The following ORC3 variants were observed in gnomAD, a reference collection of about 807,000 sequenced individuals.
The protein encoded by ORC3 is origin recognition complex subunit 3.
ORC3 carries 78 observed loss-of-function variants against 100.7 expected under a neutral mutation model. That is an observed-to-expected ratio of 0.77 (90% confidence interval 0.65 to 0.94). The LOEUF (loss-of-function observed/expected upper bound fraction) is 0.94, where lower values mean the gene tolerates loss of function less well. ORC3 is among the 40% of genes least tolerant of loss of function. ORC3 has a pLI of 0.00. For missense variants in ORC3, 789 were observed against 823.9 expected (o/e 0.96, Z 0.52); for synonymous variants, 295 against 289.3 (o/e 1.02, Z -0.20).
the ORC3 span, among the ~76,000 whole-genome samples, chr6:87,672,708 A>T: frequency 1.3e-5 from 2 of 152,212 alleles, no homozygotes; most frequent in African/African-American, 4.8e-5. Flanking sequence ...GTCTCTGGGG[A>T]TAGGTAGAGC....
intron 7 of ORC3, among the ~76,000 whole-genome samples, chr6:87,610,577 C>T (rs1456440413): frequency 7.5e-6 from 1 of 132,794 alleles, no homozygotes; most frequent in African/African-American, 3.1e-5. Context: ...GACGGAGTCT[C>T]GCTCTGTCGC....
chr6:87,641,108 C>G (rs1407295832), intron 13 of ORC3, among the ~76,000 whole-genome samples: 1 of 127,824 alleles, frequency 7.8e-6, no homozygotes, highest in Non-Finnish European at 1.7e-5. Context: ...GACTCCATCT[C>G]AAAAAAAAAA....
intron 9 of ORC3, among the ~76,000 whole-genome samples, chr6:87,617,205 G>A (rs1010187000): frequency 6.6e-6 from 1 of 152,060 alleles, no homozygotes; most frequent in Admixed American, 6.6e-5. Flanking sequence ...TCTGGACCAT[G>A]CATGTGTGTG....
intron 13 of ORC3, among the ~76,000 whole-genome samples, chr6:87,641,108 C>CAA (rs962295895): frequency 7.8e-6 from 1 of 127,800 alleles, no homozygotes; most frequent in Non-Finnish European, 1.7e-5. Context: ...GACTCCATCT[C>CAA]AAAAAAAAAA....
At chr6:87,591,741 T>A (rs2128241074) in intron 1 of ORC3, among the ~76,000 whole-genome samples, 1 of 152,288 alleles carries the variant, frequency 6.6e-6, no homozygotes, top group Non-Finnish European at 1.5e-5. Context: ...TTTCTTTTCT[T>A]TTTTTTCTTG....
At chr6:87,595,204 A>G (rs1247798033) in intron 2 of ORC3, 4 of 152,226 alleles carry the variant, frequency 2.6e-5, no homozygotes, top group Admixed American at 2.6e-4. Flanking sequence ...AAGTTATGGA[A>G]TCACCTGGAC....
intron 14 of ORC3, among the ~76,000 whole-genome samples, chr6:87,655,669 T>A (rs71572772): frequency 0.18 from 26,481 of 150,658 alleles, 2,774 homozygotes; most frequent in African/African-American, 0.31. Flanking sequence ...TATTATTATT[T>A]TTTTTTTTTT....
rs1321223011 is a variant in ORC3 at position 87,616,420 on chromosome 6, G to T, written c.980G>T (p.Gly327Val). ...TTCTCAGTTCAAAACTTTATAAAAG[G>T]ACTTCAGGTAAGAACACAGTAATGG... ...HDFSVQNFIK[G>V]LQLSLLEHFY... Residue 327 changes from glycine (G) to valine (V), a missense_variant, in exon 9 of 20, where the codon GGA becomes GTA. By Grantham distance (109) the Gly-to-Val change is moderately radical (BLOSUM62 -3). Transcript: ENST00000392844. The T allele has an allele frequency of 1.5e-6, 2 of 1,339,990 alleles. No homozygotes were observed. Among genetic ancestry groups the T allele is most frequent in the Admixed American group, 1.7e-5 (1 of 59,092 alleles). 83.0% of individuals were successfully genotyped at this position (1,339,990 alleles called of 1,614,324 possible).
chr6:87,656,190 C>G (rs1362723629), intron 14 of ORC3, among the ~76,000 whole-genome samples: 4 of 152,214 alleles, frequency 2.6e-5, no homozygotes, highest in Admixed American at 2.0e-4. Flanking sequence ...TTACACACTA[C>G]CCTCCTCATA....
At chr6:87,670,396 G>C (rs1770808648), downstream of ORC3, among the ~76,000 whole-genome samples, 2 of 151,966 alleles carry the variant, frequency 1.3e-5, no homozygotes, top group Admixed American at 1.3e-4. Flanking sequence ...GAACTCCTGG[G>C]CTCAAGCGAT....
rs575466877 is a variant in ORC3, at chr6:87,599,552, G to T, written c.80-2232G>T. 5.9e-5 allele frequency among the ~76,000 whole-genome samples: 9 copies of T among 152,116 alleles called. No homozygotes were observed. In the South Asian group the frequency reaches 1.5e-3, roughly 25 times the overall value. ...CCGGCTAATTTTTGTATTTTTAGCA[G>T]AGATGGGGTTTCACCATGTTGGCCA... On this transcript the variant is annotated intron_variant, in intron 2 of 19. Coordinates refer to ENST00000392844, the MANE Select transcript of ORC3 (RefSeq NM_012381.4).
At position 87,621,337 on chromosome 6, in the gene ORC3, C is replaced by G; in HGVS notation, c.988-17C>G. 6.7e-7 allele frequency: 1 copy of G among 1,484,764 alleles called. No homozygotes were observed. Among genetic ancestry groups the G allele is most frequent in the East Asian group, 2.5e-5 (1 of 39,468 alleles). 92.0% of individuals were successfully genotyped at this position (1,484,764 alleles called of 1,614,324 possible). On this transcript the variant is annotated splice_polypyrimidine_tract_variant and intron_variant, in intron 9 of 19. Transcript: ENST00000392844. The stretch of plus-strand genomic sequence containing the variant: ...CCAAAATATAACAAATATGTTTAAT[C>G]TTCACATGTCTTTCAGCTTTCTCTA...
rs1036258752 is a variant in ORC3, at chr6:87,601,967, G to T, written c.177+86G>T. The T allele has an allele frequency of 2.9e-5, 23 of 802,704 alleles. No individual in the cohort carries two copies. In the African/African-American group the frequency reaches 3.4e-4, roughly 12 times the overall value. 49.7% of individuals were successfully genotyped at this position (802,704 alleles called of 1,614,324 possible). A position where few individuals can be genotyped will look rare whatever the true frequency, so the allele number is the denominator to read the frequency against. ...TCTTCCTTTCCACCAGTTTACAAGA[G>T]TATTGATGAAATATAGGAAGTATTG... On this transcript the variant is annotated intron_variant, in intron 3 of 19. Coordinates refer to ENST00000392844, the MANE Select transcript of ORC3 (RefSeq NM_012381.4).
At chr6:87,661,693 A>C (rs563653586) in intron 16 of ORC3, among the ~76,000 whole-genome samples, 1 of 152,302 alleles carries the variant, frequency 6.6e-6, no homozygotes, top group Admixed American at 6.5e-5. Context: ...TGGTAGGAAA[A>C]GGAGCTGACA....
chr6:87,631,569 G>T (rs62417718), intron 11 of ORC3, among the ~76,000 whole-genome samples: 9,780 of 151,908 alleles, frequency 0.064, 410 homozygotes, highest in African/African-American at 0.12. Context: ...CTTGGCTCAC[G>T]GCAACCTCCG....
intron 2 of ORC3, among the ~76,000 whole-genome samples, chr6:87,599,905 G>A (rs1439928822): frequency 6.6e-6 from 1 of 152,090 alleles, no homozygotes; most frequent in East Asian, 1.9e-4. Flanking sequence ...CCTGGGAGGC[G>A]GAGGTTGCAG....
intron 17 of ORC3, among the ~76,000 whole-genome samples, chr6:87,664,311 T>G (rs1284553674): frequency 6.6e-6 from 1 of 152,178 alleles, no homozygotes; most frequent in Non-Finnish European, 1.5e-5. Context: ...TAGTCTTTTC[T>G]TTAAAAGAAA....
chr6:87,651,213 C>CA (rs1209253746), intron 13 of ORC3: 1 of 456,220 alleles, frequency 2.2e-6, no homozygotes, highest in South Asian at 1.5e-5. Flanking sequence ...ATTTGGAGCT[C>CA]AAAGTGGACA....
intron 19 of ORC3, among the ~76,000 whole-genome samples, chr6:87,666,285 C>T (rs1267665050): frequency 6.6e-6 from 1 of 151,992 alleles, no homozygotes; most frequent in Non-Finnish European, 1.5e-5. Flanking sequence ...GTGCCTGCCA[C>T]CAAGCCCAGC....
Sources: allele counts gnomAD v4.1 joint callset (sites outside exome capture counted in the v4.1 genomes callset), GRCh38; gene constraint gnomAD v4.1.1; transcripts MANE v1.5; gene names NCBI Gene and HGNC (gene_info 2026-07-23, HGNC 2026-07-21).